The following SNX21 variants were observed in gnomAD, a reference collection of about 807,000 sequenced individuals.
SNX21 encodes the protein sorting nexin-21.
Under a neutral mutation model 30.9 loss-of-function variants are expected in SNX21, and 36 were observed. The ratio of observed to expected loss-of-function variants is 1.16; its 90% CI spans 0.89 to 1.54. The LOEUF (loss-of-function observed/expected upper bound fraction) is 1.54. Among genes scored for constraint, SNX21 ranks in the 40% most tolerant of loss-of-function variants. The pLI is 0.00. For missense variants in SNX21, 508 were observed against 516.5 expected (o/e 0.98, Z 0.16); for synonymous variants, 218 against 222.7 (o/e 0.98, Z 0.19).
Position 45,841,366 on chromosome 20 carries a change from G to T in SNX21, c.*53G>T. The T allele has an allele frequency of 6.6e-7, 1 of 1,514,676 alleles. No individual in the cohort carries two copies. Among genetic ancestry groups the T allele is most frequent in the South Asian group, 1.3e-5 (1 of 74,380 alleles). 93.8% of individuals were successfully genotyped at this position (1,514,676 alleles called of 1,614,324 possible). A position where few individuals can be genotyped will look rare whatever the true frequency, so the allele number is the denominator to read the frequency against. On this transcript the variant is annotated 3_prime_UTR_variant, in exon 4 of 4. Transcript: ENST00000491381. ...AGGAGAGGGGTTGCCCCAGAAGGCA[G>T]GGGAAGGACCTGATGAGAACAGAAT... is the stretch of plus-strand genomic sequence containing the variant.
Position 45,834,181 on chromosome 20 carries a change from G to C in SNX21, c.22-20G>C, listed in dbSNP as rs1983270807. The C allele has an allele frequency of 3.4e-6, 5 of 1,480,506 alleles. No homozygotes were observed. The highest frequency in any genetic ancestry group is 2.8e-5 in the African/African-American group (2 of 70,638). 91.7% of individuals were successfully genotyped at this position (1,480,506 alleles called of 1,614,324 possible). On this transcript the variant is annotated intron_variant, in intron 1 of 3. Coordinates refer to ENST00000491381, the MANE Select transcript of SNX21 (RefSeq NM_033421.4). ...CCCCTCCTCCGGGATCCGGTACACA[G>C]CGTCGCGCGCTCCCCCCAGGGTGCC...
In SNX21 at chr20:45,842,519, T is replaced by G; in HGVS notation, c.*1206T>G. On this transcript the variant is annotated 3_prime_UTR_variant, in exon 4 of 4. Coordinates refer to ENST00000491381, the MANE Select transcript of SNX21 (RefSeq NM_033421.4). ...ACCACCACCAAGGGGAAGAAAGGAC[T>G]CAGAAGAGAGGACTTGAGGCCATGA... 1 of 1,014,854 alleles carries G rather than the reference T, an allele frequency of 9.9e-7. No homozygotes were observed. The highest frequency in any genetic ancestry group is 1.2e-6 in the Non-Finnish European group (1 of 847,824). 62.9% of individuals were successfully genotyped at this position (1,014,854 alleles called of 1,614,324 possible).
Position 45,840,739 on chromosome 20 carries a change from AGC to A in SNX21, c.550_551del (p.Arg184AlafsTer14). On this transcript the variant is annotated frameshift_variant, in exon 4 of 4. Transcript: ENST00000491381. LOFTEE classifies it high-confidence loss of function. ...TTTGAGCGGCTGCACCGAAACCTGC[AGC>A]GGCAATTCCGGGGCCCAATGGCTGC... 4 of 1,614,142 alleles carry A rather than the reference AGC, an allele frequency of 2.5e-6. No individual in the cohort carries two copies. Among genetic ancestry groups the A allele is most frequent in the Non-Finnish European group, 3.4e-6 (4 of 1,180,038 alleles).
At position 45,841,674 on chromosome 20, in the gene SNX21, G is replaced by A. The variant is rs1984138640; in HGVS notation, c.*361G>A. 2 of 1,421,596 alleles carry A rather than the reference G, an allele frequency of 1.4e-6. No individual in the cohort carries two copies. Among genetic ancestry groups the A allele is most frequent in the Non-Finnish European group, 1.8e-6 (2 of 1,094,458 alleles). 88.1% of individuals were successfully genotyped at this position (1,421,596 alleles called of 1,614,324 possible). On this transcript the variant is annotated 3_prime_UTR_variant, in exon 4 of 4. Coordinates refer to ENST00000491381, the MANE Select transcript of SNX21 (RefSeq NM_033421.4). ...CCCTGGAGTCCTGGAGTTAAGGGAT[G>A]AAGGCAAGGCTGCAGGTCTGGCCCA...
intron 1 of SNX21, 52 bp from the exon 2 acceptor site, chr20:45,834,149 T>C: frequency 7.0e-7 from 1 of 1,437,852 alleles, no homozygotes; most frequent in Non-Finnish European, 9.1e-7. Flanking sequence ...TGCGCCGGGC[T>C]GGGGTACCCC....
At chr20:45,840,390 A>G in intron 3 of SNX21, 2 of 1,614,154 alleles carry the variant, frequency 1.2e-6, no homozygotes, top group Non-Finnish European at 1.7e-6. Context: ...AGCCCCGGGC[A>G]CTGAAGCTCA....
chr20:45,843,177 T>G lies in SNX21; in HGVS notation c.*1864T>G. On this transcript the variant is annotated 3_prime_UTR_variant, in exon 4 of 4. Transcript: ENST00000491381. Reference sequence around the variant, plus strand: ...CAGTCTGATGGACTGCGGGTTTGGATACCACTGCTGTAATGTAACCCTCTT... The same window carrying G: ...CAGTCTGATGGACTGCGGGTTTGGAGACCACTGCTGTAATGTAACCCTCTT... 2.0e-6 allele frequency: 1 copy of G among 512,074 alleles called. No individual in the cohort carries two copies. The highest frequency in any genetic ancestry group is 2.0e-5 in the African/African-American group (1 of 50,184). 31.7% of individuals were successfully genotyped at this position (512,074 alleles called of 1,614,324 possible). A position where few individuals can be genotyped will look rare whatever the true frequency, so the allele number is the denominator to read the frequency against.
At chr20:45,836,801 G>C (rs779821361) in intron 3 of SNX21, among the ~76,000 whole-genome samples, 1 of 152,224 alleles carries the variant, frequency 6.6e-6, no homozygotes, top group Non-Finnish European at 1.5e-5. Flanking sequence ...TGACAAGATA[G>C]AGCAGGATGG....
chr20:45,841,194 C>CGCCTGG lies in SNX21; in HGVS notation c.1010_1015dup (p.Gly337_Leu338dup), dbSNP rs748115063. ...GGAGGCCCATGTCCGGCTCTCCTGG[C>CGCCTGG]GCCTGGGCCTGGACAAACGTCAATC... is the stretch of plus-strand genomic sequence containing the variant. On this transcript the variant is annotated inframe_insertion, in exon 4 of 4. Transcript: ENST00000491381. 1 of 1,613,924 alleles carries CGCCTGG rather than the reference C, an allele frequency of 6.2e-7. No individual in the cohort carries two copies.
In SNX21 at chr20:45,842,812, G is replaced by C. The variant is rs987961748; in HGVS notation, c.*1499G>C. ...AAGGTTATCAATCTTGGATTGTGAT[G>C]CTATTGGTACTTGAGAATACCCCTT... On this transcript the variant is annotated 3_prime_UTR_variant, in exon 4 of 4. Transcript: ENST00000491381. The C allele has an allele frequency of 3.0e-6, 3 of 990,774 alleles. No individual in the cohort carries two copies. The highest frequency in any genetic ancestry group is 3.6e-6 in the Non-Finnish European group (3 of 833,088). 61.4% of individuals were successfully genotyped at this position (990,774 alleles called of 1,614,324 possible).
In SNX21 at chr20:45,834,360, C is replaced by G; in HGVS notation, c.181C>G (p.Leu61Val). Residue 61 changes from leucine to valine, a missense_variant, in exon 2 of 4, where the codon CTC becomes GTC. Leu to Val is a conservative substitution (Grantham distance 32). Transcript: ENST00000491381. ...CCTGTCCTCCCGACTCAGCGGCACC[C>G]TCAGCTTCACCAGCGCCGAGGACGA... is the stretch of plus-strand genomic sequence containing the variant. ...EGLSSRLSGTLSFTSAEDDED... is the reference protein window; with the variant it reads ...EGLSSRLSGTVSFTSAEDDED... 6.2e-7 allele frequency: 1 copy of G among 1,602,760 alleles called. No homozygotes were observed. The highest frequency in any genetic ancestry group is 8.5e-7 in the Non-Finnish European group (1 of 1,177,872).
At chr20:45,836,612 C>T (rs747591892) in intron 3 of SNX21, among the ~76,000 whole-genome samples, 9 of 152,050 alleles carry the variant, frequency 5.9e-5, no homozygotes, top group Non-Finnish European at 8.8e-5. Context: ...GCTATCCTCC[C>T]ACCTCAGCCT....
intron 3 of SNX21, among the ~76,000 whole-genome samples, chr20:45,837,153 C>T (rs1377557841): frequency 6.6e-6 from 1 of 152,140 alleles, no homozygotes; most frequent in Non-Finnish European, 1.5e-5. Context: ...CATTATCACC[C>T]ATCTGGCTGC....
chr20:45,841,453 G>C lies in SNX21; in HGVS notation c.*140G>C, dbSNP rs1039631668. On this transcript the variant is annotated 3_prime_UTR_variant, in exon 4 of 4. Coordinates refer to ENST00000491381, the MANE Select transcript of SNX21 (RefSeq NM_033421.4). ...AAGTTCCAAAAGAGAATGTGAAGCA[G>C]ATCAAGGAAACTTCTGTTGAGCTAG... 3.1e-5 allele frequency: 45 copies of C among 1,431,232 alleles called. No homozygotes were observed. Among genetic ancestry groups the C allele is most frequent in the Admixed American group, 3.0e-4 (10 of 32,840 alleles). 88.7% of individuals were successfully genotyped at this position (1,431,232 alleles called of 1,614,324 possible).
chr20:45,834,711 G>T (rs1482223512), intron 2 of SNX21: 1 of 658,578 alleles, frequency 1.5e-6, no homozygotes, highest in Admixed American at 3.1e-5. Context: ...GGCATTAAAT[G>T]TACAGGGCTT....
intron 3 of SNX21, chr20:45,840,325 G>C: frequency 6.4e-7 from 1 of 1,563,986 alleles, no homozygotes; most frequent in Non-Finnish European, 8.6e-7. Flanking sequence ...TTTCCAGAGG[G>C]GGCTGTCAGA....
chr20:45,842,033 A>T lies in SNX21; in HGVS notation c.*720A>T, dbSNP rs763142940. 1 of 1,563,178 alleles carries T rather than the reference A, an allele frequency of 6.4e-7. No homozygotes were observed. Among genetic ancestry groups the T allele is most frequent in the Non-Finnish European group, 8.7e-7 (1 of 1,155,692 alleles). On this transcript the variant is annotated 3_prime_UTR_variant, in exon 4 of 4. Transcript: ENST00000491381. ...ACTTTTTTTTTTTTTCCTGAAACAGAGTCTCACTAAGTTGCCAGGCTGGTC... is the reference window on the plus strand; with the variant it reads ...ACTTTTTTTTTTTTTCCTGAAACAGTGTCTCACTAAGTTGCCAGGCTGGTC...
chr20:45,837,163 C>T (rs937898816), intron 3 of SNX21, among the ~76,000 whole-genome samples: 3 of 152,146 alleles, frequency 2.0e-5, no homozygotes, highest in African/African-American at 7.2e-5. Context: ...CATCTGGCTG[C>T]ATGTTACAAG....
At position 45,840,414 on chromosome 20, in the gene SNX21, CTCT is replaced by C. The variant is rs766100835; in HGVS notation, c.448-220_448-218del. On this transcript the variant is annotated intron_variant, in intron 3 of 3. Transcript: ENST00000491381. Reference sequence around the variant, plus strand: ...CACTGAAGCTCATCTCTGTCTTTCTCTCTTCTTGCTGCCTTGGGCCTGGGTCAT... The same window carrying C: ...CACTGAAGCTCATCTCTGTCTTTCTCTCTTGCTGCCTTGGGCCTGGGTCAT... 5.6e-6 allele frequency: 9 copies of C among 1,614,088 alleles called. No individual in the cohort carries two copies. The East Asian group carries it at 1.1e-4, about 20-fold the overall frequency.
Sources: allele counts gnomAD v4.1 joint callset (sites outside exome capture counted in the v4.1 genomes callset), GRCh38; gene constraint gnomAD v4.1.1; transcripts MANE v1.5; gene names NCBI Gene and HGNC (gene_info 2026-07-23, HGNC 2026-07-21).